PXDNL: variants seen among roughly 807,000 people sequenced by gnomAD.
PXDNL encodes the protein peroxidasin like, also known as probable oxidoreductase PXDNL.
PXDNL carries 145 observed loss-of-function variants against 150.8 expected under a neutral mutation model. That is an observed-to-expected ratio of 0.96 (90% CI 0.84 to 1.10). The LOEUF is 1.10. PXDNL is among the 50% of genes least tolerant of loss of function. PXDNL has a pLI of 0.00. For missense variants in PXDNL, 2,087 were observed against 1,873.9 expected (o/e 1.11, Z -2.10); for synonymous variants, 757 against 725.7 (o/e 1.04, Z -0.69).
At chr8:51,409,992 C>A (rs542440354) in intron 16 of PXDNL, among the ~76,000 whole-genome samples, 1 of 152,164 alleles carries the variant, frequency 6.6e-6, no homozygotes, top group Non-Finnish European at 1.5e-5. Context: ...TTTACAAGAA[C>A]GATGTTGGCA....
intron 2 of PXDNL, among the ~76,000 whole-genome samples, chr8:51,608,041 G>GAAAGAAAGA (rs1563481715): frequency 7.9e-6 from 1 of 126,776 alleles, no homozygotes; most frequent in Non-Finnish European, 1.6e-5. Context: ...AAGAAAGAAA[G>GAAAGAAAGA]AAAGAAAGAA....
At chr8:51,499,909 A>G in intron 4 of PXDNL, 139 bp from the exon 5 acceptor site, 1 of 588,152 alleles carries the variant, frequency 1.7e-6, no homozygotes. Context: ...AAAATCAGAA[A>G]CTCTGAGATA....
chr8:51,487,057 T>G (rs1455231962), intron 5 of PXDNL, among the ~76,000 whole-genome samples: 1 of 151,702 alleles, frequency 6.6e-6, no homozygotes, highest in African/African-American at 2.4e-5. Flanking sequence ...CTTCCCAAAG[T>G]GCTGGGATTA....
intron 1 of PXDNL, among the ~76,000 whole-genome samples, chr8:51,673,242 A>G (rs868481328): frequency 2.6e-5 from 4 of 152,202 alleles, no homozygotes; most frequent in Non-Finnish European, 4.4e-5. Context: ...TAGCGTATCA[A>G]GCCAGAGTTC....
chr8:51,349,149 A>G (rs75787383), intron 19 of PXDNL, among the ~76,000 whole-genome samples: 2,547 of 122,864 alleles, frequency 0.021, 62 homozygotes, highest in African/African-American at 0.063. Flanking sequence ...TTCAAGAGGC[A>G]TAACGGTGGG....
chr8:51,499,592 C>G (rs1811139268), intron 5 of PXDNL, 107 bp downstream of exon 5: 1 of 782,112 alleles, frequency 1.3e-6, no homozygotes, highest in Non-Finnish European at 2.2e-6. Context: ...CAGGCTCTGC[C>G]TCTAAAGCTT....
intron 17 of PXDNL, among the ~76,000 whole-genome samples, chr8:51,388,077 T>C (rs1454544799): frequency 6.6e-6 from 1 of 152,162 alleles, no homozygotes; most frequent in Non-Finnish European, 1.5e-5. Context: ...CATCTTTTTA[T>C]ATATTCCATA....
At chr8:51,414,799 T>G (rs1808750572) in intron 14 of PXDNL, among the ~76,000 whole-genome samples, 1 of 152,120 alleles carries the variant, frequency 6.6e-6, no homozygotes, top group Admixed American at 6.6e-5. Flanking sequence ...TATAATACAC[T>G]AAGAAACAAA....
At chr8:51,696,837 A>G (rs56332707) in intron 1 of PXDNL, among the ~76,000 whole-genome samples, 112 of 139,148 alleles carry the variant, frequency 8.0e-4, no homozygotes, top group African/African-American at 1.0e-3. Context: ...ACACACACAC[A>G]CAGGTCCTGA....
At chr8:51,331,246 G>A (rs975239196) in intron 21 of PXDNL, among the ~76,000 whole-genome samples, 4 of 152,104 alleles carry the variant, frequency 2.6e-5, no homozygotes, top group Admixed American at 1.3e-4. Context: ...AGATGTTCCC[G>A]ACTTTACCTG....
At chr8:51,639,066 T>G (rs540633348) in intron 2 of PXDNL, among the ~76,000 whole-genome samples, 1 of 152,300 alleles carries the variant, frequency 6.6e-6, no homozygotes, top group South Asian at 2.1e-4. Context: ...ACCGCTCAAC[T>G]ACATGGAGAC....
chr8:51,654,685 TCA>T lies in PXDNL; in HGVS notation c.236+2_236+3del, dbSNP rs775642433. The T allele has an allele frequency of 6.2e-7, 1 of 1,608,970 alleles. No homozygotes were observed. The highest frequency in any genetic ancestry group is 8.5e-7 in the Non-Finnish European group (1 of 1,175,932). ...AACCTTACAGATAAGCAATAAGTACTCACAGTGTGTTCAAATTCTTGAGTTTC... is the reference window on the plus strand; with the variant it reads ...AACCTTACAGATAAGCAATAAGTACTCAGTGTGTTCAAATTCTTGAGTTTC... On this transcript the variant is annotated splice_donor_variant and splice_donor_region_variant and intron_variant, in intron 2 of 22. Coordinates refer to ENST00000356297, the MANE Select transcript of PXDNL (RefSeq NM_144651.5). LOFTEE classifies it high-confidence loss of function.
At chr8:51,324,717 C>G (rs1805431647) in intron 21 of PXDNL, among the ~76,000 whole-genome samples, 1 of 152,140 alleles carries the variant, frequency 6.6e-6, no homozygotes, top group South Asian at 2.1e-4. Context: ...CCGTTTTGAG[C>G]CCATCAACTG....
chr8:51,803,500 A>T (rs1585762850), intron 1 of PXDNL, among the ~76,000 whole-genome samples: 1 of 152,094 alleles, frequency 6.6e-6, no homozygotes, highest in African/African-American at 2.4e-5. Context: ...TGCCACCTCG[A>T]GCTCTGACAG....
chr8:51,558,191 C>A (rs1007025303), intron 3 of PXDNL, among the ~76,000 whole-genome samples: 16 of 151,882 alleles, frequency 1.1e-4, no homozygotes, highest in Admixed American at 3.3e-4. Context: ...TTTGTAAGGC[C>A]TCATTTTGAG....
chr8:51,373,218 G>T (rs1284642641), intron 18 of PXDNL, among the ~76,000 whole-genome samples: 2 of 152,174 alleles, frequency 1.3e-5, no homozygotes, highest in Non-Finnish European at 2.9e-5. Context: ...TGTGGACATA[G>T]ATAACAGAGG....
chr8:51,745,691 C>T (rs1344145657), intron 1 of PXDNL, among the ~76,000 whole-genome samples: 4 of 152,126 alleles, frequency 2.6e-5, no homozygotes, highest in African/African-American at 4.8e-5. Flanking sequence ...GGCACAGGCA[C>T]CCTGAGGTCA....
At chr8:51,374,843 T>C in intron 17 of PXDNL, 112 bp from the exon 18 acceptor site, 1 of 1,230,478 alleles carries the variant, frequency 8.1e-7, no homozygotes, top group Non-Finnish European at 1.1e-6. Context: ...AAAAGAAAAG[T>C]AGATATGATT....
At chr8:51,401,648 T>C (rs1443129892) in intron 17 of PXDNL, among the ~76,000 whole-genome samples, 1 of 152,170 alleles carries the variant, frequency 6.6e-6, no homozygotes, top group Non-Finnish European at 1.5e-5. Flanking sequence ...TTTTCCTATG[T>C]CTGAGATGCC....
Sources: gnomAD v4.1 joint callset for allele counts (sites outside exome capture counted in the v4.1 genomes callset) on GRCh38, gnomAD v4.1.1 for gene constraint, MANE v1.5 for transcripts, NCBI Gene and HGNC (gene_info 2026-07-23, HGNC 2026-07-21) for gene names.